Variants in DCK observed in about 807,000 individuals in gnomAD.
DCK encodes the protein deoxyadenosine kinase.
A neutral mutation model predicts 38.3 loss-of-function variants in DCK; 23 were observed. The observed-to-expected ratio is 0.60, with a 90% confidence interval of 0.43 to 0.85. The LOEUF (loss-of-function observed/expected upper bound fraction) is 0.85. Ranked by LOEUF, DCK falls within the 40% of genes least tolerant of loss-of-function variation. The pLI is 0.00. For synonymous variants in DCK, 108 were observed against 100.6 expected (o/e 1.07, Z -0.44); for missense variants, 259 against 304.4 (o/e 0.85, Z 1.11).
rs7693891 is a variant in DCK at position 70,997,957 on chromosome 4, T to G, written c.92-110T>G. 505 of 501,752 alleles carry G rather than the reference T, an allele frequency of 1.0e-3. 2 individuals are homozygous for G. The highest frequency in any genetic ancestry group is 9.3e-3 in the African/African-American group (466 of 50,190). 31.1% of individuals were successfully genotyped at this position (501,752 alleles called of 1,614,324 possible). A position where few individuals can be genotyped will look rare whatever the true frequency, so the allele number is the denominator to read the frequency against. On this transcript the variant is annotated intron_variant, in intron 1 of 6. Coordinates refer to ENST00000286648, the MANE Select transcript of DCK (RefSeq NM_000788.3). ...AGAAAGTTTAGAAAGTTGAATGTTTTGGGCTTTTTATGTTGCTTGCTATTG... is the reference window on the plus strand; with the variant it reads ...AGAAAGTTTAGAAAGTTGAATGTTTGGGGCTTTTTATGTTGCTTGCTATTG...
intron 6 of DCK, among the ~76,000 whole-genome samples, chr4:71,028,407 CA>C (rs1740593895): frequency 6.6e-6 from 1 of 152,056 alleles, no homozygotes; most frequent in African/African-American, 2.4e-5. Context: ...GCTTGGGCAA[CA>C]TAGTGAGACC....
chr4:71,016,513 A>C (rs1740265920), intron 2 of DCK, among the ~76,000 whole-genome samples: 1 of 152,218 alleles, frequency 6.6e-6, no homozygotes, highest in African/African-American at 2.4e-5. Context: ...TGGAGGCATC[A>C]CGCTACCTGA....
chr4:71,005,562 A>G (rs1739919507), intron 2 of DCK, among the ~76,000 whole-genome samples: 1 of 148,456 alleles, frequency 6.7e-6, no homozygotes, highest in Non-Finnish European at 1.5e-5. Context: ...GCTGGAGTGC[A>G]ATGGCTCGAT....
In DCK at chr4:70,999,591, C is replaced by T. The variant is rs556333822; in HGVS notation, c.207+1409C>T. Among the ~76,000 whole-genome samples the T allele has an allele frequency of 2.0e-3, 308 of 152,284 alleles. 1 individual carries two copies. The highest frequency in any genetic ancestry group is 7.0e-3 in the African/African-American group (289 of 41,542). ...TTCTGGTTCTAGATCCTTGAGGAAT[C>T]GCCACACTATCTTCCACAGTGGTTG... On this transcript the variant is annotated intron_variant, in intron 2 of 6. Transcript: ENST00000286648.
In DCK at chr4:71,029,641, C is replaced by T. The variant is rs1227647374; in HGVS notation, c.*263C>T. ...ATGTAGAGGTAGATGGTTCCAGTAT[C>T]AGCATAGTGACTAAACTACATTATA... On this transcript the variant is annotated 3_prime_UTR_variant, in exon 7 of 7. Transcript: ENST00000286648. 5.2e-6 allele frequency: 2 copies of T among 381,748 alleles called. No individual in the cohort carries two copies. The highest frequency in any genetic ancestry group is 5.1e-5 in the East Asian group (1 of 19,574). The allele number at this position is 381,748 out of a possible 1,614,324, so 23.6% of individuals were successfully genotyped here. A position where few individuals can be genotyped will look rare whatever the true frequency, so the allele number is the denominator to read the frequency against.
intron 2 of DCK, among the ~76,000 whole-genome samples, chr4:71,022,072 A>G (rs966821847): frequency 3.3e-5 from 5 of 152,216 alleles, no homozygotes; most frequent in East Asian, 1.9e-4. Context: ...AATATTGACA[A>G]TACTATTGAC....
At chr4:71,018,105 A>C (rs1389965260) in intron 2 of DCK, among the ~76,000 whole-genome samples, 2 of 150,906 alleles carry the variant, frequency 1.3e-5, no homozygotes, top group East Asian at 3.9e-4. Context: ...TTTGTGGTTA[A>C]ATTTGTATTC....
chr4:71,028,759 A>ATT (rs11394166), intron 6 of DCK: 14,844 of 248,250 alleles, frequency 0.06, 6 homozygotes, highest in South Asian at 0.11. Flanking sequence ...TGCCTAGCTA[A>ATT]TTTTTTTTTT....
At chr4:71,021,997 A>G (rs1489336875) in intron 2 of DCK, among the ~76,000 whole-genome samples, 2 of 152,198 alleles carry the variant, frequency 1.3e-5, no homozygotes, top group African/African-American at 2.4e-5. Context: ...GCAAGACTCC[A>G]TCTCAAAAAA....
intron 2 of DCK, among the ~76,000 whole-genome samples, chr4:71,021,566 A>G (rs1343429754): frequency 6.6e-6 from 1 of 152,206 alleles, no homozygotes; most frequent in East Asian, 1.9e-4. Flanking sequence ...AAGGGGCCAG[A>G]CAGCCAAATG....
chr4:71,027,127 C>T (rs1740565355), intron 6 of DCK, among the ~76,000 whole-genome samples: 2 of 152,026 alleles, frequency 1.3e-5, no homozygotes, highest in African/African-American at 4.8e-5. Flanking sequence ...TTCCTCTCTT[C>T]CCTACACCAC....
intron 4 of DCK, among the ~76,000 whole-genome samples, chr4:71,025,414 A>T (rs1740523891): frequency 6.6e-6 from 1 of 152,050 alleles, no homozygotes; most frequent in South Asian, 2.1e-4. Flanking sequence ...CACTGTCTTT[A>T]GTGGTTTTAT....
At chr4:70,994,870 A>C (rs1240907426) in intron 1 of DCK, among the ~76,000 whole-genome samples, 3 of 152,208 alleles carry the variant, frequency 2.0e-5, no homozygotes, top group Non-Finnish European at 1.5e-5. Flanking sequence ...TCACTTTGCA[A>C]GATACACACC....
At chr4:71,029,004 G>A (rs990389574) in intron 6 of DCK, among the ~76,000 whole-genome samples, 5 of 152,038 alleles carry the variant, frequency 3.3e-5, no homozygotes, top group African/African-American at 9.7e-5. Context: ...TGATCTGCCC[G>A]CCTCGGCCTC....
In DCK at chr4:71,029,328, ATTTT is replaced by A. The variant is rs760267267; in HGVS notation, c.757-18_757-15del. 2.6e-6 allele frequency: 4 copies of A among 1,530,720 alleles called. No individual in the cohort carries two copies. The highest frequency in any genetic ancestry group is 3.8e-5 in the Admixed American group (2 of 52,098). 94.8% of individuals were successfully genotyped at this position (1,530,720 alleles called of 1,614,324 possible). A position where few individuals can be genotyped will look rare whatever the true frequency, so the allele number is the denominator to read the frequency against. On this transcript the variant is annotated intron_variant, in intron 6 of 6. Transcript: ENST00000286648. Reference sequence around the variant, plus strand: ...TCAAATTAGTCAAGGAATTATACTGATTTTTTTTTCTTCCTTTCCTCAGGTCAAA... The same window carrying A: ...TCAAATTAGTCAAGGAATTATACTGATTTTTCTTCCTTTCCTCAGGTCAAA...
intron 2 of DCK, among the ~76,000 whole-genome samples, chr4:71,006,587 C>T (rs186027946): frequency 7.9e-5 from 12 of 152,148 alleles, no homozygotes; most frequent in East Asian, 1.9e-4. Flanking sequence ...GCCAGAGGAT[C>T]GCTTGAGCCC....
intron 2 of DCK, among the ~76,000 whole-genome samples, chr4:71,018,483 AC>A: frequency 6.6e-6 from 1 of 152,086 alleles, no homozygotes; most frequent in African/African-American, 2.4e-5. Flanking sequence ...GCCAAAAGGT[AC>A]AGGTTTTTTT....
chr4:71,017,018 T>G (rs1243824555), intron 2 of DCK, among the ~76,000 whole-genome samples: 2 of 152,098 alleles, frequency 1.3e-5, no homozygotes, highest in Non-Finnish European at 2.9e-5. Flanking sequence ...GGGAGAAAAT[T>G]TTTGCAATCT....
chr4:70,993,917 G>A lies in DCK; in HGVS notation c.82G>A (p.Gly28Arg). Residue 28 changes from glycine (G) to arginine (R), a missense_variant, in exon 1 of 7, where the codon GGG becomes AGG. By Grantham distance (125) the Gly-to-Arg change is moderately radical. Transcript: ENST00000286648. ...CCGCATCAAGAAAATCTCCATCGAA[G>A]GGAACATCGGTAAGGAGCCTCCGGA... The part of the protein sequence containing the change: ...GTRIKKISIE[G>R]NIAAGKSTFV... 1 of 1,612,690 alleles carries A rather than the reference G, an allele frequency of 6.2e-7. No homozygotes were observed. The highest frequency in any genetic ancestry group is 8.5e-7 in the Non-Finnish European group (1 of 1,178,708).
Sources: allele counts gnomAD v4.1 joint callset (sites outside exome capture counted in the v4.1 genomes callset), GRCh38; gene constraint gnomAD v4.1.1; transcripts MANE v1.5; gene names NCBI Gene and HGNC (gene_info 2026-07-23, HGNC 2026-07-21).